Variants in MCCC2 observed in about 807,000 individuals in gnomAD.
MCCC2 encodes methylcrotonyl-CoA carboxylase subunit 2.
MCCC2 carries 52 observed loss-of-function variants against 77.2 expected under a neutral mutation model. The ratio of observed to expected loss-of-function variants is 0.67; its 90% confidence interval spans 0.54 to 0.85. MCCC2 has a LOEUF of 0.85. MCCC2 is among the 40% of genes least tolerant of loss of function. The probability of loss-of-function intolerance (pLI) is 0.00; values close to 1 mark genes in which losing one functional copy is unlikely to be tolerated. For missense variants in MCCC2, 682 were observed against 703.2 expected, an observed-to-expected ratio of 0.97 and a Z score of 0.34; for synonymous variants, 253 against 248.4, an observed-to-expected ratio of 1.02 and a Z score of -0.18.
Position 71,640,981 on chromosome 5 carries a change from C to A in MCCC2, c.1000-22C>A. On this transcript the variant is annotated intron_variant, in intron 10 of 16. Transcript: ENST00000340941. ...TCTTTTGCAATATAATTTCTCAAGG[C>A]CATTGTTGTTTTTCCTCTTAGGTCA... 2.5e-6 allele frequency: 4 copies of A among 1,602,654 alleles called. No homozygotes were observed. In the Admixed American group the frequency reaches 6.7e-5, roughly 27 times the overall value.
chr5:71,650,207 CTCTCTGGTTTT>C (rs771943366), intron 15 of MCCC2, 24 bp downstream of exon 15: 1 of 1,602,466 alleles, frequency 6.2e-7, no homozygotes, highest in South Asian at 1.1e-5. Context: ...TCTCTTGTTT[CTCTCTGGTTTT>C]GCCTCTCACC....
At chr5:71,588,655 A>G (rs987892414) in intron 1 of MCCC2, among the ~76,000 whole-genome samples, 3 of 152,242 alleles carry the variant, frequency 2.0e-5, no homozygotes, top group African/African-American at 7.2e-5. Flanking sequence ...GAAGGTGGTT[A>G]CAGAAAGCTA....
chr5:71,591,733 G>T (rs762909050), intron 1 of MCCC2, among the ~76,000 whole-genome samples: 1 of 151,594 alleles, frequency 6.6e-6, no homozygotes, highest in Non-Finnish European at 1.5e-5. Flanking sequence ...CACCACGGCT[G>T]GCCGAGTTTT....
chr5:71,651,566 G>C (rs1747438636), intron 15 of MCCC2, among the ~76,000 whole-genome samples: 2 of 152,200 alleles, frequency 1.3e-5, no homozygotes, highest in African/African-American at 4.8e-5. Flanking sequence ...TGTCTGCTCT[G>C]TGCAGGAATC....
intron 3 of MCCC2, among the ~76,000 whole-genome samples, chr5:71,597,772 C>A (rs1489551390): frequency 6.6e-6 from 1 of 152,184 alleles, no homozygotes; most frequent in Non-Finnish European, 1.5e-5. Context: ...ATACCAGACA[C>A]CTACATTTTT....
intron 6 of MCCC2, among the ~76,000 whole-genome samples, chr5:71,619,224 CTTAG>C (rs1746283999): frequency 6.6e-6 from 1 of 151,960 alleles, no homozygotes; most frequent in Non-Finnish European, 1.5e-5. Flanking sequence ...TTTTGAGGAG[CTTAG>C]TTAGGATAGG....
chr5:71,606,285 C>G (rs1311587001), intron 6 of MCCC2, among the ~76,000 whole-genome samples: 1 of 150,090 alleles, frequency 6.7e-6, no homozygotes, highest in East Asian at 2.0e-4. Flanking sequence ...TGAAGAGGTC[C>G]TTCACATCCC....
intron 7 of MCCC2, among the ~76,000 whole-genome samples, chr5:71,631,310 G>T (rs1322550925): frequency 6.6e-6 from 1 of 152,188 alleles, no homozygotes; most frequent in Non-Finnish European, 1.5e-5. Context: ...CCGTGGATAG[G>T]CAGGCAGTCC....
At position 71,652,746 on chromosome 5, in the gene MCCC2, C is replaced by T. The variant is rs1747472152; in HGVS notation, c.1566C>T (p.Ser522=). Residue 522 remains serine, a synonymous_variant, in exon 16 of 17, where the codon TCC becomes TCT. Transcript: ENST00000340941. ...AAGAGGAAGGAAACCCTTACTATTC[C>T]AGCGCAAGGTGGGGGCCAGAACATC... ...KFEEEGNPYY[S]SARVWDDGII... 6.2e-7 allele frequency: 1 copy of T among 1,613,910 alleles called. No individual in the cohort carries two copies. Among genetic ancestry groups the T allele is most frequent in the Non-Finnish European group, 8.5e-7 (1 of 1,179,966 alleles).
chr5:71,617,262 C>G (rs971633819), intron 6 of MCCC2, among the ~76,000 whole-genome samples: 1 of 152,182 alleles, frequency 6.6e-6, no homozygotes, highest in African/African-American at 2.4e-5. Flanking sequence ...ACCCATCTTC[C>G]AAGACACATC....
chr5:71,602,435 C>G, intron 4 of MCCC2, 71 bp from the exon 5 acceptor site: 1 of 1,598,330 alleles, frequency 6.3e-7, no homozygotes, highest in Non-Finnish European at 8.6e-7. Flanking sequence ...ATTGGGGTAT[C>G]TTGTAATGAG....
At chr5:71,601,133 T>G (rs892313829) in intron 4 of MCCC2, among the ~76,000 whole-genome samples, 1 of 152,220 alleles carries the variant, frequency 6.6e-6, no homozygotes, top group Non-Finnish European at 1.5e-5. Flanking sequence ...GCAAAACCAA[T>G]AGAAATGCAA....
intron 10 of MCCC2, among the ~76,000 whole-genome samples, chr5:71,636,978 A>G (rs1378936054): frequency 1.3e-5 from 2 of 152,002 alleles, no homozygotes; most frequent in African/African-American, 4.8e-5. Context: ...TCCTGACCTT[A>G]GGTGATCCGC....
At chr5:71,624,866 G>GT (rs1367564961) in intron 6 of MCCC2, among the ~76,000 whole-genome samples, 2 of 151,464 alleles carry the variant, frequency 1.3e-5, no homozygotes, top group Non-Finnish European at 2.9e-5. Flanking sequence ...ATTAATTTTT[G>GT]TTTTTTTAGT....
intron 8 of MCCC2, among the ~76,000 whole-genome samples, chr5:71,634,052 G>A (rs1746834441): frequency 6.6e-6 from 1 of 152,202 alleles, no homozygotes; most frequent in African/African-American, 2.4e-5. Context: ...TGTCTCCCAA[G>A]GAGTTTGGTG....
At chr5:71,592,746 T>G in intron 1 of MCCC2, 180 bp from the exon 2 acceptor site, 1 of 641,422 alleles carries the variant, frequency 1.6e-6, no homozygotes. Context: ...CAGGCAGGGG[T>G]GAATCTTTTC....
rs1441212343 is a variant in MCCC2 at position 71,657,461 on chromosome 5, C to G, written c.*601C>G. On this transcript the variant is annotated 3_prime_UTR_variant, in exon 17 of 17. Coordinates refer to ENST00000340941, the MANE Select transcript of MCCC2 (RefSeq NM_022132.5). ...TTTTTTTTTGAGACAGGGTGTTTCT[C>G]TGTTGCCCAGGCTGGAGTGCGGTGG... 6.5e-6 allele frequency: 1 copy of G among 152,820 alleles called. No homozygotes were observed. Among genetic ancestry groups the G allele is most frequent in the Non-Finnish European group, 1.5e-5 (1 of 68,722 alleles). 9.5% of individuals were successfully genotyped at this position (152,820 alleles called of 1,614,324 possible). A position where few individuals can be genotyped will look rare whatever the true frequency, so the allele number is the denominator to read the frequency against.
intron 6 of MCCC2, among the ~76,000 whole-genome samples, chr5:71,622,833 G>A (rs1175522368): frequency 2.6e-5 from 4 of 152,160 alleles, no homozygotes; most frequent in African/African-American, 9.7e-5. Flanking sequence ...CAAGGCAGAC[G>A]CGGTGGCTCA....
intron 7 of MCCC2, among the ~76,000 whole-genome samples, chr5:71,628,579 C>G (rs1180197885): frequency 6.6e-6 from 1 of 152,164 alleles, no homozygotes; most frequent in African/African-American, 2.4e-5. Context: ...GGAAGGGCTC[C>G]AGCATTGCTC....
Sources: gnomAD v4.1 joint callset for allele counts (sites outside exome capture counted in the v4.1 genomes callset) on GRCh38, gnomAD v4.1.1 for gene constraint, MANE v1.5 for transcripts, NCBI Gene and HGNC (gene_info 2026-07-23, HGNC 2026-07-21) for gene names.